Variants in PXDNL observed in about 807,000 individuals in gnomAD.
The protein encoded by PXDNL is probable oxidoreductase PXDNL.
PXDNL carries 145 observed loss-of-function variants against 150.8 expected under a neutral mutation model. That is an observed-to-expected ratio of 0.96 (90% CI 0.84 to 1.10). The LOEUF is 1.10. PXDNL is among the 50% of genes least tolerant of loss of function. The pLI is 0.00. For missense variants in PXDNL, 2,087 were observed against 1,873.9 expected, an observed-to-expected ratio of 1.11 and a Z score of -2.10; for synonymous variants, 757 against 725.7, an observed-to-expected ratio of 1.04 and a Z score of -0.69.
chr8:51,452,089 AAG>A (rs1809820281), intron 10 of PXDNL, among the ~76,000 whole-genome samples: 1 of 152,328 alleles, frequency 6.6e-6, no homozygotes, highest in South Asian at 2.1e-4. Context: ...CATAGAAAGG[AAG>A]TACATGGAAA....
chr8:51,322,656 G>A (rs995465782), intron 21 of PXDNL, among the ~76,000 whole-genome samples: 1 of 152,198 alleles, frequency 6.6e-6, no homozygotes. Flanking sequence ...AGCAGGTAGA[G>A]GAGATTGGCT....
Position 51,319,893 on chromosome 8 carries a change from AGCGCTTCTCTG to A in PXDNL, c.4379_4389del (p.Pro1460LeufsTer8). On this transcript the variant is annotated frameshift_variant, in exon 23 of 23. Coordinates refer to ENST00000356297, the MANE Select transcript of PXDNL (RefSeq NM_144651.5). LOFTEE classifies it high-confidence loss of function. Reference sequence around the variant, plus strand: ...GGCTCAACAGCACAAAACTTTTATTAGCGCTTCTCTGGGGAATCACTTGGCATTCCTCGGTC... The same window carrying A: ...GGCTCAACAGCACAAAACTTTTATTAGGGAATCACTTGGCATTCCTCGGTC... 1 of 1,522,422 alleles carries A rather than the reference AGCGCTTCTCTG, an allele frequency of 6.6e-7. No individual in the cohort carries two copies. 94.3% of individuals were successfully genotyped at this position (1,522,422 alleles called of 1,614,324 possible).
At chr8:51,469,500 A>G (rs1202779756) in intron 8 of PXDNL, among the ~76,000 whole-genome samples, 3 of 151,984 alleles carry the variant, frequency 2.0e-5, no homozygotes, top group Non-Finnish European at 4.4e-5. Flanking sequence ...TCTCTTAACC[A>G]CACTTAAATC....
intron 21 of PXDNL, among the ~76,000 whole-genome samples, chr8:51,334,027 A>G (rs1805769725): frequency 1.3e-5 from 2 of 150,278 alleles, no homozygotes; most frequent in Admixed American, 1.3e-4. Flanking sequence ...ATTCTATTCA[A>G]CAGCCCATGG....
At chr8:51,437,462 C>T (rs1010999145) in intron 12 of PXDNL, among the ~76,000 whole-genome samples, 1 of 152,128 alleles carries the variant, frequency 6.6e-6, no homozygotes, top group Non-Finnish European at 1.5e-5. Context: ...TAACCAAATT[C>T]AACAGCATAT....
At chr8:51,637,029 C>T (rs13264256) in intron 2 of PXDNL, among the ~76,000 whole-genome samples, 59,290 of 151,894 alleles carry the variant, frequency 0.39, 14,309 homozygotes, top group African/African-American at 0.69. Flanking sequence ...ACATTTGCTG[C>T]TCAGCAACAT....
intron 19 of PXDNL, among the ~76,000 whole-genome samples, chr8:51,360,194 T>C (rs765129679): frequency 1.5e-4 from 23 of 152,218 alleles, no homozygotes; most frequent in Non-Finnish European, 2.8e-4. Flanking sequence ...TATACACTTT[T>C]GTGTACACAT....
intron 6 of PXDNL, among the ~76,000 whole-genome samples, chr8:51,482,738 G>A (rs1810631694): frequency 6.6e-6 from 1 of 152,182 alleles, no homozygotes; most frequent in Non-Finnish European, 1.5e-5. Flanking sequence ...CTGCCACCAT[G>A]TAAGACATTC....
intron 4 of PXDNL, among the ~76,000 whole-genome samples, chr8:51,549,270 C>T (rs1292999613): frequency 6.6e-6 from 1 of 152,022 alleles, no homozygotes; most frequent in Admixed American, 6.5e-5. Context: ...GGACCAGTCA[C>T]CAAGACGGAA....
chr8:51,809,145 G>A (rs373393751), intron 1 of PXDNL, 36 bp downstream of exon 1: 2 of 1,609,186 alleles, frequency 1.2e-6, no homozygotes, highest in Non-Finnish European at 1.7e-6. Context: ...TGAAGCATTG[G>A]GGAAGAGGGT....
chr8:51,511,938 CAAGTTACTGGCTAA>C (rs1811430097), intron 4 of PXDNL, among the ~76,000 whole-genome samples: 1 of 152,180 alleles, frequency 6.6e-6, no homozygotes, highest in African/African-American at 2.4e-5. Flanking sequence ...ATCATCCAGC[CAAGTTACTGGCTAA>C]AAGACTTCAG....
chr8:51,639,774 AC>A (rs1196194390), intron 2 of PXDNL, among the ~76,000 whole-genome samples: 2 of 152,172 alleles, frequency 1.3e-5, no homozygotes, highest in Admixed American at 6.5e-5. Context: ...TACCAGAGGT[AC>A]AAGGAGGAAC....
chr8:51,784,846 A>T (rs1258561840), intron 1 of PXDNL, among the ~76,000 whole-genome samples: 1 of 152,242 alleles, frequency 6.6e-6, no homozygotes, highest in East Asian at 1.9e-4. Context: ...AGCAACTGAA[A>T]ACACAAAATC....
At chr8:51,455,835 T>A (rs1192794315) in intron 9 of PXDNL, among the ~76,000 whole-genome samples, 1 of 152,132 alleles carries the variant, frequency 6.6e-6, no homozygotes, top group East Asian at 1.9e-4. Flanking sequence ...CAGTCTGCAG[T>A]GAGCTATGAT....
At chr8:51,383,496 G>A (rs970009349) in intron 17 of PXDNL, among the ~76,000 whole-genome samples, 16 of 152,156 alleles carry the variant, frequency 1.1e-4, no homozygotes, top group Non-Finnish European at 1.9e-4. Context: ...TACAAAGGGC[G>A]CTGGTAACTT....
intron 4 of PXDNL, among the ~76,000 whole-genome samples, chr8:51,527,134 A>G (rs2130411423): frequency 6.6e-6 from 1 of 152,286 alleles, no homozygotes; most frequent in Middle Eastern, 3.4e-3. Context: ...TTTCTTGAAG[A>G]GTTGCCAGAA....
intron 4 of PXDNL, among the ~76,000 whole-genome samples, chr8:51,508,963 G>T (rs776823814): frequency 3.9e-5 from 6 of 152,126 alleles, no homozygotes; most frequent in Non-Finnish European, 5.9e-5. Context: ...TTGTAAAAGA[G>T]ATCCAGATGC....
At chr8:51,753,297 T>C (rs944221969) in intron 1 of PXDNL, among the ~76,000 whole-genome samples, 1 of 152,226 alleles carries the variant, frequency 6.6e-6, no homozygotes, top group South Asian at 2.1e-4. Flanking sequence ...TTTCCCTGTT[T>C]AAGCTACTGT....
intron 15 of PXDNL, among the ~76,000 whole-genome samples, chr8:51,411,981 C>T (rs183449020): frequency 1.4e-4 from 21 of 152,268 alleles, no homozygotes; most frequent in African/African-American, 4.6e-4. Context: ...GACATATTGT[C>T]TCCTCTGCTA....
Sources: allele counts gnomAD v4.1 joint callset (sites outside exome capture counted in the v4.1 genomes callset), GRCh38; gene constraint gnomAD v4.1.1; transcripts MANE v1.5; gene names NCBI Gene and HGNC (gene_info 2026-07-23, HGNC 2026-07-21).